VWC2: variants seen among roughly 807,000 people sequenced by gnomAD.
The protein encoded by VWC2 is brorin.
VWC2 carries 14 observed loss-of-function variants against 29.8 expected under a neutral mutation model. The observed-to-expected ratio is 0.47, with a 90% CI of 0.31 to 0.74. The LOEUF (loss-of-function observed/expected upper bound fraction) is 0.74. VWC2 is among the 30% of genes least tolerant of loss of function. The pLI is 0.05. For missense variants in VWC2, 457 were observed against 459.8 expected (o/e 0.99, Z 0.05); for synonymous variants, 213 against 199.0 (o/e 1.07, Z -0.59).
intron 3 of VWC2, among the ~76,000 whole-genome samples, chr7:49,822,514 A>G (rs934146455): frequency 1.3e-4 from 19 of 151,986 alleles, no homozygotes; most frequent in African/African-American, 4.4e-4. Context: ...GCTCACTGCA[A>G]CCTCTGCCTC....
At chr7:49,803,700 G>A (rs950530118) in intron 3 of VWC2, among the ~76,000 whole-genome samples, 1 of 152,156 alleles carries the variant, frequency 6.6e-6, no homozygotes, top group African/African-American at 2.4e-5. Context: ...CTGGACCGAG[G>A]CTTGATAGCT....
chr7:49,788,762 G>T (rs971271135), intron 2 of VWC2, among the ~76,000 whole-genome samples: 39 of 146,918 alleles, frequency 2.7e-4, no homozygotes, highest in African/African-American at 9.8e-4. Flanking sequence ...GGGTGTGGGG[G>T]TGTGAGAGAG....
chr7:49,802,779 C>G lies in VWC2; in HGVS notation c.765C>G (p.Pro255=), dbSNP rs373694209. ...TGCTATGCACAGTGTCAGCGTGTCC[C>G]CAGACGGAGTGTGTGGACCCTGTGT... ...GEVLCTVSAC[P]QTECVDPVYE... The change falls in exon 3 of 4, where the codon CCC becomes CCG. Residue 255 remains proline, a synonymous_variant. Coordinates refer to ENST00000340652, the MANE Select transcript of VWC2 (RefSeq NM_198570.5). 1.1e-4 allele frequency: 175 copies of G among 1,614,072 alleles called. No homozygotes were observed. The highest frequency in any genetic ancestry group is 1.5e-4 in the Non-Finnish European group (172 of 1,180,028).
chr7:49,788,662 T>C (rs1179938561), intron 2 of VWC2, among the ~76,000 whole-genome samples: 1 of 144,100 alleles, frequency 6.9e-6, no homozygotes, highest in African/African-American at 2.7e-5. Flanking sequence ...GATGTGTGGG[T>C]ATGAGAGTCT....
Position 49,877,481 on chromosome 7 carries a change from A to AAAATATACATAT in VWC2, c.827-34552_827-34551insAATATACATATA. The stretch of plus-strand genomic sequence containing the variant: ...CTGTCTCAAAAAAAAAAAAAAAAAA[A>AAAATATACATAT]ATATATATATATATATATATATATA... On this transcript the variant is annotated intron_variant, in intron 3 of 3. Transcript: ENST00000340652. Among the ~76,000 whole-genome samples, 12 of 12,730 alleles carry AAAATATACATAT rather than the reference A, an allele frequency of 9.4e-4. 1 individual carries two copies. The highest frequency in any genetic ancestry group is 3.1e-3 in the African/African-American group (11 of 3,604). 8.4% of individuals were successfully genotyped at this position (12,730 alleles called of 152,430 possible).
At chr7:49,869,779 T>G (rs1398665425) in intron 3 of VWC2, among the ~76,000 whole-genome samples, 1 of 152,162 alleles carries the variant, frequency 6.6e-6, no homozygotes, top group African/African-American at 2.4e-5. Context: ...GAATTGGATG[T>G]GCACGGCCAC....
chr7:49,908,620 AC>A (rs1793233503), intron 3 of VWC2, among the ~76,000 whole-genome samples: 1 of 152,026 alleles, frequency 6.6e-6, no homozygotes, highest in Admixed American at 6.5e-5. Flanking sequence ...TAGAAGGGCC[AC>A]CCCAGTCAGT....
At chr7:49,901,939 T>C (rs1390249859) in intron 3 of VWC2, among the ~76,000 whole-genome samples, 1 of 141,270 alleles carries the variant, frequency 7.1e-6, no homozygotes, top group East Asian at 2.0e-4. Flanking sequence ...AATGGAACAA[T>C]GATAGTTTTT....
intron 3 of VWC2, among the ~76,000 whole-genome samples, chr7:49,807,625 A>G (rs373525195): frequency 1.6e-4 from 24 of 152,310 alleles, no homozygotes; most frequent in South Asian, 1.2e-3. Flanking sequence ...ACAAAAAATC[A>G]TTTCCAAACA....
intron 2 of VWC2, 55 bp from the exon 3 acceptor site, chr7:49,802,656 C>G: frequency 1.9e-6 from 3 of 1,609,642 alleles, no homozygotes; most frequent in Non-Finnish European, 1.7e-6. Flanking sequence ...ATATATGACC[C>G]TGTAGGATAA....
chr7:49,833,833 G>A (rs933599129), intron 3 of VWC2, among the ~76,000 whole-genome samples: 2 of 152,048 alleles, frequency 1.3e-5, no homozygotes, highest in African/African-American at 4.8e-5. Flanking sequence ...ACTTACCATC[G>A]TAACTTATAG....
At chr7:49,781,300 T>C (rs1435072352) in intron 2 of VWC2, among the ~76,000 whole-genome samples, 12 of 152,228 alleles carry the variant, frequency 7.9e-5, no homozygotes. Flanking sequence ...TTTAGATGTG[T>C]TCCTAACTCA....
intron 3 of VWC2, among the ~76,000 whole-genome samples, chr7:49,886,282 T>C (rs937819617): frequency 2.0e-5 from 3 of 152,224 alleles, no homozygotes; most frequent in African/African-American, 4.8e-5. Flanking sequence ...TCCTTGAATA[T>C]GCAGACAATA....
intron 2 of VWC2, among the ~76,000 whole-genome samples, chr7:49,782,365 G>T (rs1166320416): frequency 2.6e-5 from 4 of 152,134 alleles, no homozygotes; most frequent in Admixed American, 2.6e-4. Context: ...GATATCATGA[G>T]GAGGTTTAGG....
At chr7:49,825,602 C>G (rs1322268386) in intron 3 of VWC2, among the ~76,000 whole-genome samples, 1 of 152,182 alleles carries the variant, frequency 6.6e-6, no homozygotes, top group Non-Finnish European at 1.5e-5. Flanking sequence ...AGTACTTGTG[C>G]AGTTTATGCT....
At position 49,914,785 on chromosome 7, in the gene VWC2, A is replaced by G. The variant is rs1239229501; in HGVS notation, c.*2600A>G. The G allele has an allele frequency of 6.6e-6, 1 of 152,186 alleles. No individual in the cohort carries two copies. Among genetic ancestry groups the G allele is most frequent in the Non-Finnish European group, 1.5e-5 (1 of 68,028 alleles). The allele number at this position is 152,186 out of a possible 1,614,324, so 9.4% of individuals were successfully genotyped here. ...TAAATAACCTGAATAACTGCCCAAT[A>G]AAAAAGGAAAGTATAAGTTACTCAA... On this transcript the variant is annotated 3_prime_UTR_variant, in exon 4 of 4. Coordinates refer to ENST00000340652, the MANE Select transcript of VWC2 (RefSeq NM_198570.5).
chr7:49,891,130 A>G (rs1792108861), intron 3 of VWC2, among the ~76,000 whole-genome samples: 1 of 152,240 alleles, frequency 6.6e-6, no homozygotes, highest in South Asian at 2.1e-4. Flanking sequence ...GGACACTTTA[A>G]CTGCAGGATG....
At chr7:49,841,594 C>T (rs1026430671) in intron 3 of VWC2, among the ~76,000 whole-genome samples, 10 of 152,192 alleles carry the variant, frequency 6.6e-5, no homozygotes, top group African/African-American at 1.4e-4. Flanking sequence ...ATGCTTTGGA[C>T]GTGGAGCTTT....
At chr7:49,821,664 GA>G (rs34206159) in intron 3 of VWC2, among the ~76,000 whole-genome samples, 2,773 of 137,800 alleles carry the variant, frequency 0.02, 62 homozygotes, top group African/African-American at 0.061. Context: ...ATTCTTGGAT[GA>G]AAAAAAAAAA....
Sources: allele counts gnomAD v4.1 joint callset (sites outside exome capture counted in the v4.1 genomes callset), GRCh38; gene constraint gnomAD v4.1.1; transcripts MANE v1.5; gene names NCBI Gene and HGNC (gene_info 2026-07-23, HGNC 2026-07-21).